The following TNKS variants were observed in gnomAD, a reference collection of about 807,000 sequenced individuals.
TNKS encodes poly [ADP-ribose] polymerase tankyrase-1.
In TNKS, 72 loss-of-function variants were observed where a neutral mutation model predicts 135.8. The observed-to-expected ratio is 0.53, with a 90% CI of 0.44 to 0.64. The LOEUF is 0.64. Among genes scored for constraint, TNKS ranks in the 30% least tolerant of loss-of-function variants. The pLI, the probability that TNKS is intolerant of heterozygous loss-of-function variation, is 0.00. For missense variants in TNKS, 1,769 were observed against 1,674.0 expected, an observed-to-expected ratio of 1.06 and a Z score of -0.99; for synonymous variants, 849 against 649.3, an observed-to-expected ratio of 1.31 and a Z score of -4.68.
intron 10 of TNKS, 22 bp from the exon 11 acceptor site, chr8:9,710,120 C>T (rs367762817): frequency 6.2e-7 from 1 of 1,613,102 alleles, no homozygotes; most frequent in East Asian, 2.2e-5. Context: ...ATTACCTTTT[C>T]TTTCTTTCCT....
intron 1 of TNKS, among the ~76,000 whole-genome samples, chr8:9,577,321 T>C (rs1315924285): frequency 1.3e-5 from 2 of 152,198 alleles, no homozygotes; most frequent in Non-Finnish European, 2.9e-5. Context: ...CTTTTTTTTT[T>C]AGTAATGGTA....
chr8:9,619,745 A>T (rs1391518114), intron 3 of TNKS, among the ~76,000 whole-genome samples: 2 of 150,684 alleles, frequency 1.3e-5, no homozygotes, highest in Non-Finnish European at 2.9e-5. Context: ...GTTCTTGCTG[A>T]GACTGGCTTA....
At chr8:9,634,467 C>G (rs1157978601) in intron 3 of TNKS, among the ~76,000 whole-genome samples, 1 of 152,068 alleles carries the variant, frequency 6.6e-6, no homozygotes, top group Non-Finnish European at 1.5e-5. Flanking sequence ...CCAACTTTGA[C>G]TTCTTATTAA....
At chr8:9,766,905 T>C (rs113953352) in intron 25 of TNKS, among the ~76,000 whole-genome samples, 1 of 152,120 alleles carries the variant, frequency 6.6e-6, no homozygotes, top group African/African-American at 2.4e-5. Context: ...ACAGGAGCAA[T>C]AACAACAGAG....
chr8:9,575,095 A>G, intron 1 of TNKS: 1 of 983,952 alleles, frequency 1.0e-6, no homozygotes, highest in Non-Finnish European at 1.2e-6. Context: ...TTATCTTTTT[A>G]TTTTCTTTTG....
chr8:9,575,202 T>G (rs1388813882), intron 1 of TNKS: 1 of 580,860 alleles, frequency 1.7e-6, no homozygotes, highest in African/African-American at 2.0e-5. Context: ...TTCTCCTGCC[T>G]CAGCCTCCGG....
intron 22 of TNKS, among the ~76,000 whole-genome samples, 158 bp from the exon 23 acceptor site, chr8:9,764,558 T>C (rs1223888822): frequency 1.3e-5 from 2 of 152,338 alleles, no homozygotes; most frequent in East Asian, 3.9e-4. Flanking sequence ...AATATTTATG[T>C]TTGAAATTAT....
At chr8:9,726,257 G>A (rs1239699918) in intron 12 of TNKS, among the ~76,000 whole-genome samples, 12 of 152,076 alleles carry the variant, frequency 7.9e-5, no homozygotes, top group Admixed American at 7.9e-4. Context: ...TGGGCGTGGT[G>A]GTGTACACGT....
At chr8:9,765,879 C>G (rs1234402962) in intron 24 of TNKS, 82 bp downstream of exon 24, 5 of 1,146,498 alleles carry the variant, frequency 4.4e-6, no homozygotes, top group Middle Eastern at 4.0e-4. Context: ...GTTAAATTGA[C>G]TATAATACGG....
At chr8:9,571,124 G>A (rs1232419784) in intron 1 of TNKS, among the ~76,000 whole-genome samples, 2 of 152,034 alleles carry the variant, frequency 1.3e-5, no homozygotes, top group Non-Finnish European at 2.9e-5. Flanking sequence ...TCCCTACTGT[G>A]GCCTTAAGAG....
intron 2 of TNKS, among the ~76,000 whole-genome samples, chr8:9,600,346 C>T (rs1053500886): frequency 3.3e-5 from 5 of 152,170 alleles, no homozygotes; most frequent in Admixed American, 2.6e-4. Flanking sequence ...TGGGGTCTCA[C>T]TCTGTCAGTC....
chr8:9,728,109 A>G (rs1032726430), intron 13 of TNKS, among the ~76,000 whole-genome samples: 1 of 152,202 alleles, frequency 6.6e-6, no homozygotes, highest in African/African-American at 2.4e-5. Flanking sequence ...TGTTTTGTAT[A>G]TGATAAGCAG....
intron 2 of TNKS, among the ~76,000 whole-genome samples, chr8:9,613,672 AT>A (rs1799540997): frequency 6.6e-6 from 1 of 152,224 alleles, no homozygotes; most frequent in Non-Finnish European, 1.5e-5. Context: ...TTTAGAAAAC[AT>A]CTATTTCAAG....
chr8:9,702,967 G>C (rs949134099), intron 5 of TNKS, among the ~76,000 whole-genome samples: 1 of 151,868 alleles, frequency 6.6e-6, no homozygotes. Flanking sequence ...AGTGAGCCGA[G>C]ATCAAGCGAC....
intron 17 of TNKS, among the ~76,000 whole-genome samples, chr8:9,740,643 C>G (rs114967461): frequency 6.6e-6 from 1 of 152,178 alleles, no homozygotes; most frequent in Non-Finnish European, 1.5e-5. Context: ...CCTCTTGAAA[C>G]TACAGTATTT....
intron 3 of TNKS, among the ~76,000 whole-genome samples, chr8:9,672,042 G>C (rs1210094287): frequency 6.6e-6 from 1 of 152,196 alleles, no homozygotes; most frequent in Non-Finnish European, 1.5e-5. Context: ...CCATCTCAGT[G>C]ATCAGATCAG....
chr8:9,644,648 C>T (rs956619891), intron 3 of TNKS, among the ~76,000 whole-genome samples: 3 of 152,208 alleles, frequency 2.0e-5, no homozygotes, highest in East Asian at 3.9e-4. Context: ...TTTCTTTTGG[C>T]GTACCACCAT....
At chr8:9,657,766 G>T (rs1452386315) in intron 3 of TNKS, among the ~76,000 whole-genome samples, 3 of 146,288 alleles carry the variant, frequency 2.1e-5, no homozygotes, top group Admixed American at 6.7e-5. Flanking sequence ...GGGGCGGCTG[G>T]CCGGGCAGGG....
At chr8:9,588,998 G>A (rs544938332) in intron 2 of TNKS, among the ~76,000 whole-genome samples, 2 of 152,236 alleles carry the variant, frequency 1.3e-5, no homozygotes, top group Admixed American at 6.5e-5. Context: ...GGATATTATT[G>A]TCATAGATAA....
Sources: allele counts gnomAD v4.1 joint callset (sites outside exome capture counted in the v4.1 genomes callset), GRCh38; gene constraint gnomAD v4.1.1; transcripts MANE v1.5; gene names NCBI Gene and HGNC (gene_info 2026-07-23, HGNC 2026-07-21).